Variants in ADARB1 observed in about 807,000 individuals in gnomAD.
The protein encoded by ADARB1 is adenosine deaminase RNA specific B1.
ADARB1 carries 10 observed loss-of-function variants against 52.4 expected under a neutral mutation model. The observed-to-expected ratio is 0.19, with a 90% CI of 0.12 to 0.32. ADARB1 has a LOEUF of 0.32. Ranked by LOEUF, ADARB1 falls within the 10% of genes least tolerant of loss-of-function variation. The probability of loss-of-function intolerance (pLI) is 1.00; values close to 1 mark genes in which losing one functional copy is unlikely to be tolerated. For synonymous variants in ADARB1, 349 were observed against 371.1 expected, an observed-to-expected ratio of 0.94 and a Z score of 0.68; for missense variants, 643 against 922.3, an observed-to-expected ratio of 0.70 and a Z score of 3.92.
Position 45,223,459 on chromosome 21 carries a change from C to T in ADARB1, c.*1262C>T. 1.0e-6 allele frequency: 1 copy of T among 985,714 alleles called. No individual in the cohort carries two copies. Among genetic ancestry groups the T allele is most frequent in the Non-Finnish European group, 1.2e-6 (1 of 830,170 alleles). The allele number at this position is 985,714 out of a possible 1,614,324, so 61.1% of individuals were successfully genotyped here. A position where few individuals can be genotyped will look rare whatever the true frequency, so the allele number is the denominator to read the frequency against. On this transcript the variant is annotated 3_prime_UTR_variant, in exon 11 of 11. Transcript: ENST00000348831. Reference sequence around the variant, plus strand: ...AGGGCCCTGTGTGGACCACCTCCACCAAGCTCAGAGATTTGCACCAGGTGC... The same window carrying T: ...AGGGCCCTGTGTGGACCACCTCCACTAAGCTCAGAGATTTGCACCAGGTGC...
chr21:45,175,746 T>G lies in ADARB1; in HGVS notation c.45T>G (p.Asp15Glu). 1 of 1,614,036 alleles carries G rather than the reference T, an allele frequency of 6.2e-7. No homozygotes were observed. Residue 15 changes from aspartate to glutamate, a missense_variant, in exon 4 of 11, where the codon GAT becomes GAG. Physicochemically the swap from Asp to Glu is conservative, Grantham distance 45. Coordinates refer to ENST00000348831, the MANE Select transcript of ADARB1 (RefSeq NM_001112.4). ...DEENMSSSSTDVKENRNLDNV... is the reference protein window; with the variant it reads ...DEENMSSSSTEVKENRNLDNV... ...GCACCACAGGTTCCAGCAGCACTGATGTGAAGGAAAACCGCAATCTGGACA... is the reference window on the plus strand; with the variant it reads ...GCACCACAGGTTCCAGCAGCACTGAGGTGAAGGAAAACCGCAATCTGGACA...
At position 45,184,907 on chromosome 21, in the gene ADARB1, T is replaced by C. The variant is rs781543971; in HGVS notation, c.1397-16T>C. On this transcript the variant is annotated splice_polypyrimidine_tract_variant and intron_variant, in intron 7 of 10. Coordinates refer to ENST00000348831, the MANE Select transcript of ADARB1 (RefSeq NM_001112.4). The stretch of plus-strand genomic sequence containing the variant: ...GGTTTACTACCTGTGGGGTTTTAAC[T>C]CTTTTTCTCTCTTAGAACCAGCAGA... The C allele has an allele frequency of 1.3e-6, 2 of 1,595,606 alleles. No homozygotes were observed. Among genetic ancestry groups the C allele is most frequent in the African/African-American group, 2.7e-5 (2 of 74,636 alleles).
intron 4 of ADARB1, among the ~76,000 whole-genome samples, chr21:45,179,506 CATT>C (rs1228489862): frequency 9.9e-5 from 15 of 152,280 alleles, no homozygotes; most frequent in Admixed American, 9.1e-4. Context: ...GCCATGGGCT[CATT>C]ATATCCAAGA....
rs1602096225 is a variant in ADARB1 at position 45,224,224 on chromosome 21, A to C, written c.*2027A>C. Reference sequence around the variant, plus strand: ...ATTTTGGTTACCAAGTTTAGTGTTAATATATTCCATATACATACAAAACTA... The same window carrying C: ...ATTTTGGTTACCAAGTTTAGTGTTACTATATTCCATATACATACAAAACTA... On this transcript the variant is annotated 3_prime_UTR_variant, in exon 11 of 11. Transcript: ENST00000348831. 1 of 985,424 alleles carries C rather than the reference A, an allele frequency of 1.0e-6. No individual in the cohort carries two copies. Among genetic ancestry groups the C allele is most frequent in the East Asian group, 1.1e-4 (1 of 8,798 alleles). 61.0% of individuals were successfully genotyped at this position (985,424 alleles called of 1,614,324 possible). A position where few individuals can be genotyped will look rare whatever the true frequency, so the allele number is the denominator to read the frequency against.
chr21:45,175,002 T>A (rs2091637319), intron 3 of ADARB1, among the ~76,000 whole-genome samples: 1 of 152,174 alleles, frequency 6.6e-6, no homozygotes, highest in Non-Finnish European at 1.5e-5. Flanking sequence ...ATATTAAGGA[T>A]TCAGACTTAG....
At chr21:45,199,449 G>T (rs370279252) in intron 8 of ADARB1, among the ~76,000 whole-genome samples, 248 of 152,326 alleles carry the variant, frequency 1.6e-3, no homozygotes, top group African/African-American at 5.6e-3. Flanking sequence ...GGGAAGAAAG[G>T]CAGGGCTGCA....
At chr21:45,202,860 C>T (rs1203860294) in intron 8 of ADARB1, among the ~76,000 whole-genome samples, 4 of 150,408 alleles carry the variant, frequency 2.7e-5, no homozygotes, top group African/African-American at 9.8e-5. Flanking sequence ...TCCCCTGCAG[C>T]CTGTGCCACA....
chr21:45,184,014 C>T (rs1407472246), intron 7 of ADARB1, among the ~76,000 whole-genome samples: 1 of 152,166 alleles, frequency 6.6e-6, no homozygotes, highest in Non-Finnish European at 1.5e-5. Flanking sequence ...CTCCCAAGCC[C>T]TTAGGCATTG....
chr21:45,116,739 C>T (rs1292965166), intron 1 of ADARB1, among the ~76,000 whole-genome samples: 5 of 152,158 alleles, frequency 3.3e-5, no homozygotes, highest in Non-Finnish European at 2.9e-5. Flanking sequence ...CGTCAGATCC[C>T]GTGAGAACTC....
chr21:45,136,727 G>A (rs912010638), intron 2 of ADARB1, among the ~76,000 whole-genome samples: 7 of 152,244 alleles, frequency 4.6e-5, no homozygotes, highest in African/African-American at 9.6e-5. Context: ...GCACCCTGCC[G>A]CTCTCCCCCA....
At chr21:45,160,335 C>T (rs536302696) in intron 2 of ADARB1, among the ~76,000 whole-genome samples, 9 of 152,242 alleles carry the variant, frequency 5.9e-5, no homozygotes, top group Admixed American at 5.9e-4. Flanking sequence ...TACAGACGTT[C>T]GCATAGTCTC....
chr21:45,183,413 G>T lies in ADARB1; in HGVS notation c.1299G>T (p.Gly433=). 1 of 1,610,472 alleles carries T rather than the reference G, an allele frequency of 6.2e-7. No homozygotes were observed. ...RSIFQKSERG[G]FRLKENVQFH... ...TCTTTCAGAAATCAGAGCGAGGGGGGTTTAGGCTGAAGGAGAATGTCCAGT... is the reference window on the plus strand; with the variant it reads ...TCTTTCAGAAATCAGAGCGAGGGGGTTTTAGGCTGAAGGAGAATGTCCAGT... The change falls in exon 7 of 11, where the codon GGG becomes GGT. Residue 433 remains glycine, a synonymous_variant. Transcript: ENST00000348831.
intron 1 of ADARB1, among the ~76,000 whole-genome samples, chr21:45,114,398 T>C (rs2087716529): frequency 1.3e-5 from 2 of 152,052 alleles, no homozygotes; most frequent in Non-Finnish European, 2.9e-5. Context: ...GCCTTGGTGT[T>C]TTTGTTCATA....
intron 9 of ADARB1, among the ~76,000 whole-genome samples, chr21:45,216,870 T>C (rs954757002): frequency 9.2e-5 from 14 of 152,024 alleles, no homozygotes; most frequent in South Asian, 4.1e-4. Flanking sequence ...CTTCCTGTAT[T>C]TTGTAGCTCT....
At chr21:45,129,342 A>G (rs1307432376) in intron 2 of ADARB1, among the ~76,000 whole-genome samples, 1 of 152,220 alleles carries the variant, frequency 6.6e-6, no homozygotes, top group Non-Finnish European at 1.5e-5. Flanking sequence ...TAAAATTAGT[A>G]TGGTGTCAGA....
intron 2 of ADARB1, among the ~76,000 whole-genome samples, chr21:45,162,061 CAG>C (rs2146040275): frequency 6.6e-6 from 1 of 152,308 alleles, no homozygotes; most frequent in South Asian, 2.1e-4. Flanking sequence ...GTAACACAAA[CAG>C]GGCTGAAACA....
chr21:45,169,040 C>T (rs948174647), intron 2 of ADARB1, among the ~76,000 whole-genome samples: 38 of 152,244 alleles, frequency 2.5e-4, no homozygotes, highest in African/African-American at 8.7e-4. Flanking sequence ...CTGGGGCTCC[C>T]GGATAGCTCC....
intron 5 of ADARB1, 65 bp from the exon 6 acceptor site, chr21:45,182,520 G>A: frequency 6.5e-7 from 1 of 1,527,372 alleles, no homozygotes; most frequent in Non-Finnish European, 8.8e-7. Context: ...TCAGACTTCA[G>A]GAGCACAGTT....
intron 1 of ADARB1, among the ~76,000 whole-genome samples, chr21:45,123,207 A>T (rs1352832713): frequency 6.6e-6 from 1 of 152,182 alleles, no homozygotes; most frequent in Non-Finnish European, 1.5e-5. Context: ...TGTACCTCAC[A>T]GTTTCCTTCA....
Sources: allele counts gnomAD v4.1 joint callset (sites outside exome capture counted in the v4.1 genomes callset), GRCh38; gene constraint gnomAD v4.1.1; transcripts MANE v1.5; gene names NCBI Gene and HGNC (gene_info 2026-07-23, HGNC 2026-07-21).